TUBGCP5: variants seen among roughly 807,000 people sequenced by gnomAD.
The protein encoded by TUBGCP5 is gamma-tubulin complex component 5.
TUBGCP5 carries 98 observed loss-of-function variants against 134.7 expected under a neutral mutation model. The ratio of observed to expected loss-of-function variants is 0.73; its 90% CI spans 0.62 to 0.86. TUBGCP5 has a LOEUF of 0.86. Ranked by LOEUF, TUBGCP5 falls within the 40% of genes least tolerant of loss-of-function variation. The pLI, the probability that TUBGCP5 is intolerant of heterozygous loss-of-function variation, is 0.00. For synonymous variants in TUBGCP5, 456 were observed against 431.4 expected, an observed-to-expected ratio of 1.06 and a Z score of -0.71; for missense variants, 1,150 against 1,244.8, an observed-to-expected ratio of 0.92 and a Z score of 1.15.
rs771741229 is a variant in TUBGCP5 at position 23,024,240 on chromosome 15, A to T, written c.922-47T>A. On this transcript the variant is annotated intron_variant, in intron 9 of 22. Coordinates refer to ENST00000615383, the MANE Select transcript of TUBGCP5 (RefSeq NM_052903.6). ...ATTATTCAAAGGTGGTCTTCTGTAAACATTCAAATTCATTTCCCTCTCGCT... is the reference window on the plus strand; with the variant it reads ...ATTATTCAAAGGTGGTCTTCTGTAATCATTCAAATTCATTTCCCTCTCGCT... 15 of 1,587,642 alleles carry T rather than the reference A, an allele frequency of 9.4e-6. No individual in the cohort carries two copies. In the East Asian group the frequency reaches 1.1e-4, roughly 12 times the overall value.
chr15:23,030,999 C>T lies in TUBGCP5; in HGVS notation c.508G>A (p.Glu170Lys), dbSNP rs780810091. ...CTTAAGGGCTGTTGATCATTTTCCTCTTCACTTTCTTCAGACCAATTCTGA... is the reference window on the plus strand; with the variant it reads ...CTTAAGGGCTGTTGATCATTTTCCTTTTCACTTTCTTCAGACCAATTCTGA... ...DTPNWSEESE[E>K]ENDQQPLSRE... The change falls in exon 6 of 23, where the codon GAG (glutamate) becomes AAG (lysine). Residue 170 changes from glutamate (E) to lysine (K), a missense_variant. By Grantham distance (56) the Glu-to-Lys change is moderately conservative (BLOSUM62 1). Around this residue, in one of 2 missense-constraint regions of TUBGCP5, gnomAD observed 453 missense variants for 394.7 expected, o/e 1.15. Transcript: ENST00000615383. 2 of 1,612,838 alleles carry T rather than the reference C, an allele frequency of 1.2e-6. No homozygotes were observed. Among genetic ancestry groups the T allele is most frequent in the Admixed American group, 3.4e-5 (2 of 59,518 alleles).
At chr15:22,983,233 C>G (rs2063586013) in exon 24 of TUBGCP5, 1 of 152,092 alleles carries the variant, frequency 6.6e-6, no homozygotes, top group African/African-American at 2.4e-5. Context: ...TTAAAGTTTT[C>G]AAATAAACAC....
At chr15:22,992,038 C>G (rs2063860232) in intron 23 of TUBGCP5, among the ~76,000 whole-genome samples, 1 of 152,122 alleles carries the variant, frequency 6.6e-6, no homozygotes, top group Admixed American at 6.6e-5. Flanking sequence ...GAGGTCTGGT[C>G]TCTGGTCTCT....
intron 6 of TUBGCP5, among the ~76,000 whole-genome samples, chr15:23,028,955 T>C (rs938163177): frequency 5.3e-5 from 8 of 152,178 alleles, no homozygotes; most frequent in Admixed American, 2.0e-4. Context: ...AAATGCTGCA[T>C]ATACGGACAA....
rs199643645 is a variant in TUBGCP5 at position 23,030,937 on chromosome 15, C to G, written c.570G>C (p.Pro190=). The change falls in exon 6 of 23, where the codon CCG becomes CCC. Residue 190 remains proline (P), a synonymous_variant. Transcript: ENST00000615383. The part of the protein sequence containing the change: ...EDSGIQVDRT[P]LEEQDQNRKL... ...TTCTGTTTTGATCTTGTTCTTCTAA[C>G]GGTGTCCTGTCTACCTGAATTCCAG... The G allele has an allele frequency of 6.8e-6, 11 of 1,613,502 alleles. No homozygotes were observed. Among genetic ancestry groups the G allele is most frequent in the Admixed American group, 1.7e-5 (1 of 59,840 alleles).
intron 1 of TUBGCP5, 138 bp downstream of exon 1, chr15:23,039,260 G>A (rs2066776829): frequency 1.0e-6 from 1 of 995,796 alleles, no homozygotes; most frequent in Non-Finnish European, 1.3e-6. Context: ...CGGTGGCAGG[G>A]CCTGCGAAGG....
Position 23,006,254 on chromosome 15 carries a change from A to G in TUBGCP5, c.2412+14T>C, listed in dbSNP as rs564386398. 1 of 1,608,914 alleles carries G rather than the reference A, an allele frequency of 6.2e-7. No homozygotes were observed. On this transcript the variant is annotated intron_variant, in intron 17 of 22. Coordinates refer to ENST00000615383, the MANE Select transcript of TUBGCP5 (RefSeq NM_052903.6). ...GCAGAAAACACGGTTCATACAAGGA[A>G]TATCAGCATATACCTTGTAGCTGAG... is the stretch of plus-strand genomic sequence containing the variant.
At chr15:23,030,864 G>C (rs1213454281) in intron 6 of TUBGCP5, 21 bp downstream of exon 6, 6 of 1,596,090 alleles carry the variant, frequency 3.8e-6, no homozygotes, top group Non-Finnish European at 5.1e-6. Context: ...GAAAATGCGA[G>C]CACCTCATAA....
intron 20 of TUBGCP5, among the ~76,000 whole-genome samples, chr15:23,003,465 T>C (rs376987875): frequency 2.0e-5 from 3 of 152,150 alleles, no homozygotes; most frequent in East Asian, 3.8e-4. Flanking sequence ...GTTTTAACAT[T>C]ACTGAATTCT....
chr15:22,998,986 C>T (rs761984313), downstream of TUBGCP5, among the ~76,000 whole-genome samples: 2 of 152,086 alleles, frequency 1.3e-5, no homozygotes, highest in Non-Finnish European at 2.9e-5. Flanking sequence ...TCTTAAACTG[C>T]TGGCCTCAAG....
In TUBGCP5 at chr15:23,022,054, C is replaced by T; in HGVS notation, c.1276G>A (p.Asp426Asn). The T allele has an allele frequency of 1.2e-6, 2 of 1,614,168 alleles. No individual in the cohort carries two copies. Among genetic ancestry groups the T allele is most frequent in the Non-Finnish European group, 1.7e-6 (2 of 1,180,010 alleles). Residue 426 changes from aspartate to asparagine, a missense_variant, in exon 11 of 23, where the codon GAT becomes AAT. Transcript: ENST00000615383. The stretch of plus-strand genomic sequence containing the variant: ...GAGGCCCGGACGACATTTCGAGTAT[C>T]AGGTGGAACTTCTGCTACTCCAGTA... ...FSTGVAEVPPDTRNVVRASHL... is the reference protein window; with the variant it reads ...FSTGVAEVPPNTRNVVRASHL...
Position 23,022,168 on chromosome 15 carries a change from A to T in TUBGCP5, c.1169-7T>A. 2 of 1,613,448 alleles carry T rather than the reference A, an allele frequency of 1.2e-6. No homozygotes were observed. The highest frequency in any genetic ancestry group is 1.7e-6 in the Non-Finnish European group (2 of 1,179,328). On this transcript the variant is annotated splice_region_variant and splice_polypyrimidine_tract_variant and intron_variant, in intron 10 of 22. Coordinates refer to ENST00000615383, the MANE Select transcript of TUBGCP5 (RefSeq NM_052903.6). The stretch of plus-strand genomic sequence containing the variant: ...GCAAGAGTTATTGTAGTATCTGCAA[A>T]TATCAATAAATCAAACTCAACAGCA...
At chr15:23,022,948 G>A (rs1017829974) in intron 10 of TUBGCP5, 4 of 152,200 alleles carry the variant, frequency 2.6e-5, no homozygotes, top group Admixed American at 1.3e-4. Flanking sequence ...CAAGAAGTGT[G>A]AGGAAACAGG....
chr15:22,985,270 G>A (rs1485104489), intron 23 of TUBGCP5, among the ~76,000 whole-genome samples: 1 of 152,068 alleles, frequency 6.6e-6, no homozygotes, highest in Non-Finnish European at 1.5e-5. Context: ...CCAGGCTGGA[G>A]TACAATGGCG....
At chr15:23,023,038 C>T (rs1417291200) in intron 10 of TUBGCP5, 1 of 149,708 alleles carries the variant, frequency 6.7e-6, no homozygotes, top group African/African-American at 2.4e-5. Flanking sequence ...AGGAAAATCA[C>T]ACATGACCCA....
intron 10 of TUBGCP5, 105 bp downstream of exon 10, chr15:23,023,842 A>T: frequency 9.1e-7 from 1 of 1,100,150 alleles, no homozygotes; most frequent in Non-Finnish European, 1.3e-6. Flanking sequence ...CACGAGAACT[A>T]CTTATCTGCT....
chr15:22,997,025 T>G (rs2064116681), downstream of TUBGCP5: 1 of 151,946 alleles, frequency 6.6e-6, no homozygotes, highest in Non-Finnish European at 1.5e-5. Context: ...ACTCTGAACA[T>G]AGTTACTTCT....
At chr15:23,027,852 A>AT (rs2066070162) in intron 6 of TUBGCP5, among the ~76,000 whole-genome samples, 1 of 152,170 alleles carries the variant, frequency 6.6e-6, no homozygotes, top group Admixed American at 6.5e-5. Flanking sequence ...TGCCACATAC[A>AT]TAAAAAGATA....
intron 1 of TUBGCP5, among the ~76,000 whole-genome samples, chr15:23,037,667 A>G (rs2066673853): frequency 6.6e-6 from 1 of 152,258 alleles, no homozygotes; most frequent in Non-Finnish European, 1.5e-5. Flanking sequence ...ATTAACTACC[A>G]TTAAAGTAAC....
Sources: allele counts gnomAD v4.1 joint callset (sites outside exome capture counted in the v4.1 genomes callset), GRCh38; gene constraint gnomAD v4.1.1; regional missense constraint gnomAD v4.1.1; transcripts MANE v1.5; gene names NCBI Gene and HGNC (gene_info 2026-07-23, HGNC 2026-07-21).